Variants in ITPR3 observed in about 807,000 individuals in gnomAD.
ITPR3 encodes the protein inositol 1,4,5-trisphosphate receptor type 3, also known as inositol 1,4,5-trisphosphate-gated calcium channel ITPR3.
In ITPR3, 173 loss-of-function variants were observed where a neutral mutation model predicts 293.2. The observed-to-expected ratio is 0.59, with a 90% CI of 0.52 to 0.67. The LOEUF (loss-of-function observed/expected upper bound fraction) is 0.67, where lower values mean the gene tolerates loss of function less well. Among genes scored for constraint, ITPR3 ranks in the 30% least tolerant of loss-of-function variants. The pLI, the probability that ITPR3 is intolerant of heterozygous loss-of-function variation, is 0.00. For synonymous variants in ITPR3, 1,295 were observed against 1,444.4 expected (o/e 0.90, Z 2.35); for missense variants, 2,796 against 3,592.1 (o/e 0.78, Z 5.66).
intron 1 of ITPR3, among the ~76,000 whole-genome samples, chr6:33,625,845 C>G (rs1036020723): frequency 2.3e-4 from 35 of 152,218 alleles, no homozygotes; most frequent in African/African-American, 7.7e-4. Context: ...AGCCCCAGGT[C>G]TCCAGGCTCA....
Position 33,633,152 on chromosome 6 carries a change from C to T in ITPR3, c.90-7332C>T, listed in dbSNP as rs1228379985. 3.3e-5 allele frequency among the ~76,000 whole-genome samples: 5 copies of T among 152,062 alleles called. No homozygotes were observed. Among genetic ancestry groups the T allele is most frequent in the Non-Finnish European group, 7.4e-5 (5 of 67,994 alleles). ...GGTGAGGGGCGATGCCGGTGGTGGG[C>T]GTAGCGGGGCGTGGGCAGGGAACCA... On this transcript the variant is annotated intron_variant, in intron 1 of 57. Transcript: ENST00000605930. The surrounding 1 kb of genome is among the most constrained non-coding windows in gnomAD (Gnocchi z 5.2).
chr6:33,674,420 C>T (rs561777761), intron 24 of ITPR3, among the ~76,000 whole-genome samples, 155 bp downstream of exon 24: 2 of 152,338 alleles, frequency 1.3e-5, no homozygotes, highest in Admixed American at 1.3e-4. Context: ...CCCTCCCCTG[C>T]CTCCCCAGTC....
chr6:33,643,529 C>G (rs1763996573), intron 2 of ITPR3, among the ~76,000 whole-genome samples: 1 of 152,276 alleles, frequency 6.6e-6, no homozygotes, highest in African/African-American at 2.4e-5. Flanking sequence ...CCCTTGAACT[C>G]TGCCTGGCTG....
At chr6:33,693,133 CCAGT>C (rs1229821958) in intron 55 of ITPR3, among the ~76,000 whole-genome samples, 2 of 152,178 alleles carry the variant, frequency 1.3e-5, no homozygotes, top group African/African-American at 4.8e-5. Context: ...GGACATGAGC[CCAGT>C]CAGTGTCTGG....
At chr6:33,623,391 A>T (rs1328323479) in intron 1 of ITPR3, among the ~76,000 whole-genome samples, 1 of 146,178 alleles carries the variant, frequency 6.8e-6, no homozygotes, top group Non-Finnish European at 1.5e-5. Context: ...CAGTGATGCA[A>T]TCTTGGCTTA....
rs1489577198 is a variant in ITPR3, at chr6:33,655,991, G to A, written c.282+104G>A. On this transcript the variant is annotated intron_variant, in intron 3 of 57. Transcript: ENST00000605930. The surrounding 1 kb of genome is among the most constrained non-coding windows in gnomAD (Gnocchi z 4.9). ...GAGCCAGTAGGGGCTCTGTGGCTGA[G>A]CTGAGTGGTTTCTAAAACTCGTATG... 3.4e-6 allele frequency: 5 copies of A among 1,477,044 alleles called. No homozygotes were observed. The African/African-American group carries it at 4.2e-5, about 12-fold the overall frequency. 91.5% of individuals were successfully genotyped at this position (1,477,044 alleles called of 1,614,324 possible).
intron 1 of ITPR3, among the ~76,000 whole-genome samples, chr6:33,639,327 C>T (rs1348731648): frequency 2.7e-5 from 4 of 146,008 alleles, no homozygotes; most frequent in Non-Finnish European, 4.5e-5. Context: ...TGCAGTGAGT[C>T]GAGATTGCGC....
At chr6:33,674,015 C>G (rs1435584148) in intron 23 of ITPR3, among the ~76,000 whole-genome samples, 193 bp from the exon 24 acceptor site, 2 of 152,316 alleles carry the variant, frequency 1.3e-5, no homozygotes, top group African/African-American at 4.8e-5. Context: ...GGATCTCTGC[C>G]CCCTTTGTAC....
chr6:33,659,230 C>G (rs1025382876), intron 6 of ITPR3, 111 bp downstream of exon 6: 69 of 1,083,860 alleles, frequency 6.4e-5, no homozygotes, highest in Non-Finnish European at 2.7e-6. Flanking sequence ...TCTGACCTGC[C>G]GGACAAGCTG....
chr6:33,622,335 C>A (rs1390076834), intron 1 of ITPR3, among the ~76,000 whole-genome samples: 1 of 152,200 alleles, frequency 6.6e-6, no homozygotes. Flanking sequence ...TCCAGCACTT[C>A]ACAAACATTA....
At position 33,642,961 on chromosome 6, in the gene ITPR3, G is replaced by A. The variant is rs563423452; in HGVS notation, c.160+2407G>A. ...CCTTCTGGAACAGAGCCAGGCCTCC[G>A]TACACCCTTTGGCTGGCGAGTACAA... On this transcript the variant is annotated intron_variant, in intron 2 of 57. Coordinates refer to ENST00000605930, the MANE Select transcript of ITPR3 (RefSeq NM_002224.4). Among the ~76,000 whole-genome samples the A allele has an allele frequency of 1.5e-3, 235 of 152,152 alleles. No individual in the cohort carries two copies. In the Middle Eastern group the frequency reaches 0.031, roughly 20 times the overall value.
In ITPR3 at chr6:33,667,972, C is replaced by T. The variant is rs139220041; in HGVS notation, c.1886+8C>T. On this transcript the variant is annotated splice_region_variant and intron_variant, in intron 16 of 57. Transcript: ENST00000605930. The surrounding 1 kb of genome is among the most constrained non-coding windows in gnomAD (Gnocchi z 4.4). Reference sequence around the variant, plus strand: ...CAAGAACCGGGAGCCCAGGTGGGCCCGAACCCCCTCCCCGGCCGGCGCCTG... The same window carrying T: ...CAAGAACCGGGAGCCCAGGTGGGCCTGAACCCCCTCCCCGGCCGGCGCCTG... The T allele has an allele frequency of 2.2e-3, 3,584 of 1,613,702 alleles. 16 individuals are homozygous for T. The highest frequency in any genetic ancestry group is 1.7e-3 in the Non-Finnish European group (2,061 of 1,179,802).
Position 33,686,479 on chromosome 6 carries a change from C to G in ITPR3, c.5939C>G (p.Pro1980Arg). The change falls in exon 43 of 58, where the codon CCC (proline) becomes CGC (arginine). Residue 1980 changes from proline to arginine, a missense_variant. Transcript: ENST00000605930. ...GCACTGATCCTCAATGACATCAGCC[C>G]CCTGTGCAAGTACCGCATGGATCTG... The part of the protein sequence containing the change: ...ITALILNDIS[P>R]LCKYRMDLVL... 1 of 1,614,248 alleles carries G rather than the reference C, an allele frequency of 6.2e-7. No homozygotes were observed. The highest frequency in any genetic ancestry group is 1.1e-5 in the South Asian group (1 of 91,088).
Position 33,691,758 on chromosome 6 carries a change from G to T in ITPR3, c.7330+39G>T. On this transcript the variant is annotated intron_variant, in intron 53 of 57. Coordinates refer to ENST00000605930, the MANE Select transcript of ITPR3 (RefSeq NM_002224.4). This position sits in a 1 kb window ranked among gnomAD's most constrained non-coding sequence, Gnocchi z 4.9. ...GTGTGCAGGAGTCTGTGTGGGGTAG[G>T]AGGAGCAGGCAGCCCGGGCCTCAGC... 6.2e-7 allele frequency: 1 copy of T among 1,608,294 alleles called. No individual in the cohort carries two copies. Among genetic ancestry groups the T allele is most frequent in the Non-Finnish European group, 8.5e-7 (1 of 1,177,776 alleles).
At chr6:33,643,574 G>A (rs10947422) in intron 2 of ITPR3, among the ~76,000 whole-genome samples, 32,902 of 152,170 alleles carry the variant, frequency 0.22, 4,076 homozygotes, top group South Asian at 0.3. Context: ...TGAGTCCCGA[G>A]CTGCTGACTG....
Position 33,658,533 on chromosome 6 carries a change from T to C in ITPR3, c.370-137T>C. On this transcript the variant is annotated intron_variant, in intron 4 of 57. Coordinates refer to ENST00000605930, the MANE Select transcript of ITPR3 (RefSeq NM_002224.4). This position sits in a 1 kb window ranked among gnomAD's most constrained non-coding sequence, Gnocchi z 6.1. ...GGTTGTGAATGTGGGTGTCAGCCTGTATGTTTGTGACAGGTGTCTGACACT... is the reference window on the plus strand; with the variant it reads ...GGTTGTGAATGTGGGTGTCAGCCTGCATGTTTGTGACAGGTGTCTGACACT... 9.8e-7 allele frequency: 1 copy of C among 1,022,888 alleles called. No individual in the cohort carries two copies. Among genetic ancestry groups the C allele is most frequent in the Non-Finnish European group, 1.5e-6 (1 of 684,220 alleles). The allele number at this position is 1,022,888 out of a possible 1,614,324, so 63.4% of individuals were successfully genotyped here.
chr6:33,663,658 G>C, intron 10 of ITPR3, 80 bp from the exon 11 acceptor site: 2 of 1,607,890 alleles, frequency 1.2e-6, no homozygotes, highest in Non-Finnish European at 8.5e-7. Context: ...GAGACAGATG[G>C]GATCTCAGGT....
chr6:33,686,294 G>A (rs1012539641), intron 42 of ITPR3, 41 bp downstream of exon 42: 3 of 1,605,162 alleles, frequency 1.9e-6, no homozygotes, highest in South Asian at 2.2e-5. Context: ...CAGGGTGGCA[G>A]TGTGGACATG....
rs949260218 is a variant in ITPR3, at chr6:33,685,604, GGGGT to G, written c.5483-35_5483-32del. 3 of 1,586,778 alleles carry G rather than the reference GGGGT, an allele frequency of 1.9e-6. No individual in the cohort carries two copies. In the African/African-American group the frequency reaches 4.0e-5, roughly 21 times the overall value. ...TAAGATGTGCAGGGGGGTGGCCAAG[GGGGT>G]GGGCAGCTCCAGCCTCACCAGGTCT... On this transcript the variant is annotated intron_variant, in intron 40 of 57. Transcript: ENST00000605930.
Sources: allele counts gnomAD v4.1 joint callset (sites outside exome capture counted in the v4.1 genomes callset), GRCh38; gene constraint gnomAD v4.1.1; non-coding constraint Gnocchi (gnomAD v3.1); transcripts MANE v1.5; gene names NCBI Gene and HGNC (gene_info 2026-07-23, HGNC 2026-07-21).